SC5D: variants seen among roughly 807,000 people sequenced by gnomAD.
SC5D encodes lathosterol oxidase.
Under a neutral mutation model 23.9 loss-of-function variants are expected in SC5D, and 21 were observed. The ratio of observed to expected loss-of-function variants is 0.88; its 90% CI spans 0.62 to 1.26. The LOEUF is 1.26. SC5D is among the 50% of genes most tolerant of loss of function. SC5D has a pLI of 0.00. For missense variants in SC5D, 309 were observed against 364.8 expected (o/e 0.85, Z 1.25); for synonymous variants, 113 against 125.9 (o/e 0.90, Z 0.68).
intron 1 of SC5D, among the ~76,000 whole-genome samples, chr11:121,297,134 C>T (rs542852795): frequency 4.5e-4 from 68 of 152,306 alleles, no homozygotes; most frequent in Admixed American, 1.2e-3. Flanking sequence ...AGGTACTGTC[C>T]TACATCGTTT....
chr11:121,302,180 T>C (rs1591503445), intron 1 of SC5D, among the ~76,000 whole-genome samples: 1 of 152,228 alleles, frequency 6.6e-6, no homozygotes, highest in African/African-American at 2.4e-5. Context: ...TCCTTACCTG[T>C]GGGCTATTTT....
At chr11:121,294,350 G>A (rs1477847042) in intron 1 of SC5D, among the ~76,000 whole-genome samples, 1 of 152,074 alleles carries the variant, frequency 6.6e-6, no homozygotes, top group East Asian at 1.9e-4. Context: ...AGAGGCTATA[G>A]AACTTGGCAG....
chr11:121,295,785 A>G (rs1947884792), intron 1 of SC5D, among the ~76,000 whole-genome samples: 1 of 152,086 alleles, frequency 6.6e-6, no homozygotes, highest in African/African-American at 2.4e-5. Flanking sequence ...AGTATTCCCT[A>G]TTTCAATTAC....
At position 121,310,434 on chromosome 11, in the gene SC5D, C is replaced by G. The variant is rs1414115950; in HGVS notation, c.*2922C>G. 1.3e-5 allele frequency among the ~76,000 whole-genome samples: 2 copies of G among 148,590 alleles called. No homozygotes were observed. The highest frequency in any genetic ancestry group is 3.0e-5 in the Non-Finnish European group (2 of 67,530). ...TAAAAAGAGGTGTGAGGCAGCTGTT[C>G]AGCCCTTCTGTCTCCTGTCCCTTTT... On this transcript the variant is annotated 3_prime_UTR_variant, in exon 5 of 5. Transcript: ENST00000264027.
Position 121,304,384 on chromosome 11 carries a change from G to C in SC5D, c.234G>C (p.Lys78Asn). The change falls in exon 3 of 5, where the codon AAG becomes AAC. Residue 78 changes from lysine (K) to asparagine (N), a missense_variant. Transcript: ENST00000264027. ...FLKNQVRREI[K>N]FTVQALPWIS... ...AGAATCAAGTCCGTCGAGAGATTAA[G>C]TTTACTGTCCAGGCATTGCCATGGA... 4 of 1,613,518 alleles carry C rather than the reference G, an allele frequency of 2.5e-6. No individual in the cohort carries two copies. In the South Asian group the frequency reaches 4.4e-5, roughly 18 times the overall value.
chr11:121,307,297 C>G lies in SC5D; in HGVS notation c.685C>G (p.His229Asp). The G allele has an allele frequency of 6.2e-7, 1 of 1,614,134 alleles. No homozygotes were observed. The highest frequency in any genetic ancestry group is 8.5e-7 in the Non-Finnish European group (1 of 1,179,974). The stretch of plus-strand genomic sequence containing the variant: ...GCCATTTATTAATGGCTCAGCTCAT[C>G]ATACAGACCACCATATGTTCTTTGA... ...LQPFINGSAH[H>D]TDHHMFFDYN... Residue 229 changes from histidine to aspartate, a missense_variant, in exon 5 of 5, where the codon CAT (histidine) becomes GAT (aspartate). Transcript: ENST00000264027.
chr11:121,304,692 G>A, intron 3 of SC5D, 199 bp downstream of exon 3: 1 of 534,912 alleles, frequency 1.9e-6, no homozygotes, highest in Non-Finnish European at 3.3e-6. Context: ...CTGAAAGTCT[G>A]CTGTAGATGA....
chr11:121,304,366 A>C lies in SC5D; in HGVS notation c.216A>C (p.Gln72His). 6.2e-7 allele frequency: 1 copy of C among 1,613,570 alleles called. No individual in the cohort carries two copies. The highest frequency in any genetic ancestry group is 1.3e-5 in the African/African-American group (1 of 75,038). Residue 72 changes from glutamine (Q) to histidine (H), a missense_variant, in exon 3 of 5, where the codon CAA becomes CAC. By Grantham distance (24) the Gln-to-His change is conservative. Coordinates refer to ENST00000264027, the MANE Select transcript of SC5D (RefSeq NM_006918.5). ...LMKHPQFLKN[Q>H]VRREIKFTVQ... ...ATTGGAAATTTCACTTTCAGAATCA[A>C]GTCCGTCGAGAGATTAAGTTTACTG...
At chr11:121,295,205 C>G (rs535031627) in intron 1 of SC5D, among the ~76,000 whole-genome samples, 8 of 152,316 alleles carry the variant, frequency 5.3e-5, no homozygotes, top group African/African-American at 1.9e-4. Flanking sequence ...GACACAGCCT[C>G]AGGAAGCCCT....
chr11:121,307,621 G>T lies in SC5D; in HGVS notation c.*109G>T. On this transcript the variant is annotated 3_prime_UTR_variant, in exon 5 of 5. Transcript: ENST00000264027. ...CATACAGTCAAGATACATAGTAAATGGTATCATTTGGAAATCAGCATCGTG... is the reference window on the plus strand; with the variant it reads ...CATACAGTCAAGATACATAGTAAATTGTATCATTTGGAAATCAGCATCGTG... 1 of 745,900 alleles carries T rather than the reference G, an allele frequency of 1.3e-6. No individual in the cohort carries two copies. The highest frequency in any genetic ancestry group is 2.1e-6 in the Non-Finnish European group (1 of 469,478). 46.2% of individuals were successfully genotyped at this position (745,900 alleles called of 1,614,324 possible). A position where few individuals can be genotyped will look rare whatever the true frequency, so the allele number is the denominator to read the frequency against.
chr11:121,299,619 G>A (rs981577450), intron 1 of SC5D, among the ~76,000 whole-genome samples: 3 of 152,196 alleles, frequency 2.0e-5, no homozygotes, highest in African/African-American at 7.2e-5. Flanking sequence ...GCTGGTCATG[G>A]TGACTCATGC....
At chr11:121,299,735 T>G (rs1330960180) in intron 1 of SC5D, among the ~76,000 whole-genome samples, 1 of 152,028 alleles carries the variant, frequency 6.6e-6, no homozygotes, top group Non-Finnish European at 1.5e-5. Context: ...ACAAAAAAAT[T>G]TTTTCTTAAT....
rs1947980799 is a variant in SC5D, at chr11:121,308,003, C to T, written c.*491C>T. The stretch of plus-strand genomic sequence containing the variant: ...GTATGATAATGATAACTTGTTTTGA[C>T]TTGAATAAAGTACTACATCAGTGTG... On this transcript the variant is annotated 3_prime_UTR_variant, in exon 5 of 5. Transcript: ENST00000264027. 6.4e-6 allele frequency: 1 copy of T among 156,816 alleles called. No individual in the cohort carries two copies. Among genetic ancestry groups the T allele is most frequent in the Non-Finnish European group, 1.4e-5 (1 of 70,714 alleles). 9.7% of individuals were successfully genotyped at this position (156,816 alleles called of 1,614,324 possible). A position where few individuals can be genotyped will look rare whatever the true frequency, so the allele number is the denominator to read the frequency against.
intron 1 of SC5D, among the ~76,000 whole-genome samples, chr11:121,297,878 G>T (rs1947900350): frequency 6.6e-6 from 1 of 152,200 alleles, no homozygotes; most frequent in Non-Finnish European, 1.5e-5. Context: ...TTAGGAAGCA[G>T]TGTGGTGAAA....
At chr11:121,294,090 A>C (rs924283935) in intron 1 of SC5D, among the ~76,000 whole-genome samples, 6 of 152,252 alleles carry the variant, frequency 3.9e-5, no homozygotes, top group Admixed American at 1.3e-4. Context: ...CTTTTAAAGT[A>C]GGGCAAAAAG....
In SC5D at chr11:121,304,345, G is replaced by A. The variant is rs1947946773; in HGVS notation, c.211-16G>A. On this transcript the variant is annotated splice_polypyrimidine_tract_variant and intron_variant, in intron 2 of 4. Transcript: ENST00000264027. ...TGGATTTTGTGATTTTTAAGTATTGGAAATTTCACTTTCAGAATCAAGTCC... is the reference window on the plus strand; with the variant it reads ...TGGATTTTGTGATTTTTAAGTATTGAAAATTTCACTTTCAGAATCAAGTCC... 1 of 1,612,570 alleles carries A rather than the reference G, an allele frequency of 6.2e-7. No individual in the cohort carries two copies. Among genetic ancestry groups the A allele is most frequent in the South Asian group, 1.1e-5 (1 of 91,036 alleles).
rs182900539 is a variant in SC5D, at chr11:121,302,535, G to C, written c.-10-831G>C. Among the ~76,000 whole-genome samples the C allele has an allele frequency of 8.5e-5, 13 of 152,286 alleles. 1 individual carries two copies. The East Asian group carries it at 2.5e-3, about 29-fold the overall frequency. On this transcript the variant is annotated intron_variant, in intron 1 of 4. Transcript: ENST00000264027. ...AGTTTAAGCATCTGAAACAGGAGTTGGCAAACTATCTGTAAATGGCCAGGT... is the reference window on the plus strand; with the variant it reads ...AGTTTAAGCATCTGAAACAGGAGTTCGCAAACTATCTGTAAATGGCCAGGT...
In SC5D at chr11:121,307,567, CTTTTT is replaced by C; in HGVS notation, c.*59_*63del. 1 of 1,234,290 alleles carries C rather than the reference CTTTTT, an allele frequency of 8.1e-7. No homozygotes were observed. Among genetic ancestry groups the C allele is most frequent in the Non-Finnish European group, 1.1e-6 (1 of 886,194 alleles). The allele number at this position is 1,234,290 out of a possible 1,614,324, so 76.5% of individuals were successfully genotyped here. ...CAAAGAAGGAAATATCATCGTATTT[CTTTTT>C]TTTAATAAGGAAAAAATAATATCCA... On this transcript the variant is annotated 3_prime_UTR_variant, in exon 5 of 5. Coordinates refer to ENST00000264027, the MANE Select transcript of SC5D (RefSeq NM_006918.5).
rs765331892 is a variant in SC5D, at chr11:121,306,378, T to C, written c.344-8T>C. The C allele has an allele frequency of 4.8e-5, 68 of 1,413,192 alleles. 1 individual carries two copies. The highest frequency in any genetic ancestry group is 6.7e-5 in the Non-Finnish European group (67 of 998,260). 87.5% of individuals were successfully genotyped at this position (1,413,192 alleles called of 1,614,324 possible). A position where few individuals can be genotyped will look rare whatever the true frequency, so the allele number is the denominator to read the frequency against. Reference sequence around the variant, plus strand: ...TTTGATTCTTCTGTTTCCCGTTTTCTTTTCTAGGATTGTTTGAACTTGTCG... The same window carrying C: ...TTTGATTCTTCTGTTTCCCGTTTTCCTTTCTAGGATTGTTTGAACTTGTCG... On this transcript the variant is annotated splice_region_variant and splice_polypyrimidine_tract_variant and intron_variant, in intron 3 of 4. Transcript: ENST00000264027.
Sources: gnomAD v4.1 joint callset for allele counts (sites outside exome capture counted in the v4.1 genomes callset) on GRCh38, gnomAD v4.1.1 for gene constraint, MANE v1.5 for transcripts, NCBI Gene and HGNC (gene_info 2026-07-23, HGNC 2026-07-21) for gene names.